Variants in ZNF212 observed in about 807,000 individuals in gnomAD.
ZNF212 encodes zinc finger protein 212.
A neutral mutation model predicts 47.3 loss-of-function variants in ZNF212; 32 were observed. The observed-to-expected ratio is 0.68, with a 90% CI of 0.51 to 0.91. The LOEUF (loss-of-function observed/expected upper bound fraction) is 0.91. ZNF212 is among the 40% of genes least tolerant of loss of function. The pLI, the probability that ZNF212 is intolerant of heterozygous loss-of-function variation, is 0.00. For missense variants in ZNF212, 555 were observed against 622.8 expected (o/e 0.89, Z 1.16); for synonymous variants, 242 against 253.8 (o/e 0.95, Z 0.44).
intron 1 of ZNF212, among the ~76,000 whole-genome samples, chr7:149,249,546 A>G (rs1796722549): frequency 1.3e-5 from 2 of 152,214 alleles, no homozygotes; most frequent in Admixed American, 6.5e-5. Context: ...CATACACGCT[A>G]TAATTTCACT....
In ZNF212 at chr7:149,253,681, T is replaced by G. The variant is rs1295001439; in HGVS notation, c.754T>G (p.Trp252Gly). The G allele has an allele frequency of 3.7e-6, 6 of 1,614,054 alleles. No individual in the cohort carries two copies. Among genetic ancestry groups the G allele is most frequent in the Non-Finnish European group, 5.1e-6 (6 of 1,180,038 alleles). ...AFLSPEQTEL[W>G]GGQGSSVLLE... is the part of the protein sequence containing the mutation. Reference sequence around the variant, plus strand: ...CCTGAGCCCAGAGCAGACCGAACTCTGGGGTGGTCAGGGCAGTTCTGTCCT... The same window carrying G: ...CCTGAGCCCAGAGCAGACCGAACTCGGGGGTGGTCAGGGCAGTTCTGTCCT... The change falls in exon 5 of 5, where the codon TGG (tryptophan) becomes GGG (glycine). Residue 252 changes from tryptophan to glycine, a missense_variant. By Grantham distance (184) the Trp-to-Gly change is radical. Coordinates refer to ENST00000335870, the MANE Select transcript of ZNF212 (RefSeq NM_012256.4).
At chr7:149,240,257 G>A (rs1796568129) in intron 1 of ZNF212, among the ~76,000 whole-genome samples, 1 of 152,240 alleles carries the variant, frequency 6.6e-6, no homozygotes, top group Admixed American at 6.5e-5. Context: ...CAGTGCTGCA[G>A]ATTTCTGTCT....
intron 1 of ZNF212, among the ~76,000 whole-genome samples, chr7:149,245,650 C>T (rs778739649): frequency 7.2e-5 from 11 of 152,054 alleles, no homozygotes; most frequent in Non-Finnish European, 1.6e-4. Context: ...GAACTATAGG[C>T]ACCTGTCATC....
intron 1 of ZNF212, among the ~76,000 whole-genome samples, chr7:149,246,968 A>G (rs1796688033): frequency 6.6e-6 from 1 of 150,722 alleles, no homozygotes; most frequent in Admixed American, 6.6e-5. Context: ...ATGCGCCACC[A>G]TGCCCGGCTC....
chr7:149,252,597 G>A, intron 3 of ZNF212, 109 bp from the exon 4 acceptor site: 1 of 953,420 alleles, frequency 1.0e-6, no homozygotes. Flanking sequence ...AGTAGCCTTT[G>A]AATCTATATT....
In ZNF212 at chr7:149,254,294, G is replaced by A; in HGVS notation, c.1367G>A (p.Ser456Asn). The A allele has an allele frequency of 6.2e-7, 1 of 1,614,142 alleles. No homozygotes were observed. Among genetic ancestry groups the A allele is most frequent in the Non-Finnish European group, 8.5e-7 (1 of 1,180,044 alleles). ...QRIHTGERPY[S>N]CTECEKSFVQ... Reference sequence around the variant, plus strand: ...ATCCACACGGGTGAGCGGCCCTACAGCTGCACTGAGTGTGAGAAGAGCTTT... The same window carrying A: ...ATCCACACGGGTGAGCGGCCCTACAACTGCACTGAGTGTGAGAAGAGCTTT... The change falls in exon 5 of 5, where the codon AGC becomes AAC. Residue 456 changes from serine to asparagine, a missense_variant. By Grantham distance (46) the Ser-to-Asn change is conservative. Transcript: ENST00000335870. This position sits in a 1 kb window ranked among gnomAD's most constrained non-coding sequence, Gnocchi z 4.5.
chr7:149,243,433 CAAAAAAAAAAAA>C lies in ZNF212; in HGVS notation c.24+3646_24+3657del, dbSNP rs869068988. ...TGGGTGACAGAGTGAGACTCCGTCT[CAAAAAAAAAAAA>C]AAAAAAAAAAAAAAGAGAGAGAGAG... On this transcript the variant is annotated intron_variant, in intron 1 of 4. Transcript: ENST00000335870. Among the ~76,000 whole-genome samples the C allele has an allele frequency of 4.8e-4, 27 of 56,020 alleles. 2 individuals carry two copies. The Admixed American group carries it at 5.5e-3, about 11-fold the overall frequency. 36.8% of individuals were successfully genotyped at this position (56,020 alleles called of 152,430 possible). A position where few individuals can be genotyped will look rare whatever the true frequency, so the allele number is the denominator to read the frequency against.
In ZNF212 at chr7:149,250,699, A is replaced by G; in HGVS notation, c.433A>G (p.Asn145Asp). ...ATTCCAGGTGTCCAGGTCACTGGAG[A>G]ATGATGGCGTCTGTTTCACCGAGCA... The part of the protein sequence containing the change: ...EAPKVSRSLE[N>D]DGVCFTEQEW... Residue 145 changes from asparagine (N) to aspartate (D), a missense_variant, in exon 3 of 5, where the codon AAT (asparagine) becomes GAT (aspartate). By Grantham distance (23) the Asn-to-Asp change is conservative. Coordinates refer to ENST00000335870, the MANE Select transcript of ZNF212 (RefSeq NM_012256.4). 6.2e-7 allele frequency: 1 copy of G among 1,614,202 alleles called. No homozygotes were observed. The highest frequency in any genetic ancestry group is 8.5e-7 in the Non-Finnish European group (1 of 1,180,046).
intron 1 of ZNF212, among the ~76,000 whole-genome samples, chr7:149,241,594 T>A (rs1407808951): frequency 6.6e-6 from 1 of 152,190 alleles, no homozygotes; most frequent in Non-Finnish European, 1.5e-5. Context: ...GGTGCCCTGA[T>A]GAAACAACTG....
chr7:149,243,621 A>G (rs937657127), intron 1 of ZNF212, among the ~76,000 whole-genome samples: 5 of 152,160 alleles, frequency 3.3e-5, no homozygotes, highest in Admixed American at 6.5e-5. Flanking sequence ...GTAATGGTAA[A>G]AGACTCAATT....
At position 149,255,460 on chromosome 7, in the gene ZNF212, A is replaced by T. The variant is rs910088910; in HGVS notation, c.*1045A>T. 6.5e-6 allele frequency: 1 copy of T among 153,786 alleles called. No homozygotes were observed. The highest frequency in any genetic ancestry group is 2.4e-5 in the African/African-American group (1 of 41,442). 9.5% of individuals were successfully genotyped at this position (153,786 alleles called of 1,614,324 possible). ...CAGAGAGGGTACAGAAAAAGCACACAGATGGCTTGTCTCAGGAGTGTTGAA... is the reference window on the plus strand; with the variant it reads ...CAGAGAGGGTACAGAAAAAGCACACTGATGGCTTGTCTCAGGAGTGTTGAA... On this transcript the variant is annotated 3_prime_UTR_variant, in exon 5 of 5. Coordinates refer to ENST00000335870, the MANE Select transcript of ZNF212 (RefSeq NM_012256.4).
intron 1 of ZNF212, chr7:149,240,111 C>G: frequency 2.9e-6 from 1 of 345,272 alleles, no homozygotes. Context: ...CAAAAGAGCC[C>G]GTTCCCAGGT....
chr7:149,250,569 A>G (rs772751077), intron 2 of ZNF212, 21 bp downstream of exon 2: 2 of 1,604,460 alleles, frequency 1.2e-6, no homozygotes, highest in Non-Finnish European at 1.7e-6. Flanking sequence ...TGAGGATTAA[A>G]AGTTAGAAGA....
intron 1 of ZNF212, among the ~76,000 whole-genome samples, chr7:149,240,285 G>A (rs1458616935): frequency 6.6e-6 from 1 of 152,210 alleles, no homozygotes; most frequent in Admixed American, 6.5e-5. Context: ...GCAGCCACAG[G>A]TTGAAGTCAG....
chr7:149,240,182 GGAGACCCCAGGACTTGCCTCTCT>G (rs1444762441), intron 1 of ZNF212: 4 of 216,454 alleles, frequency 1.8e-5, no homozygotes, highest in African/African-American at 6.8e-5. Context: ...CCGCTGCCCG[GGAGACCCCAGGACTTGCCTCTCT>G]GCGACCACCT....
rs1449618539 is a variant in ZNF212, at chr7:149,250,686, C to T, written c.420C>T (p.Ser140=). The part of the protein sequence containing the change: ...PGSKGEAPKV[S]RSLENDGVCF... ...TGTGCCATTGGTGATTCCAGGTGTC[C>T]AGGTCACTGGAGAATGATGGCGTCT... Residue 140 remains serine, a synonymous_variant, in exon 3 of 5, where the codon TCC becomes TCT. Coordinates refer to ENST00000335870, the MANE Select transcript of ZNF212 (RefSeq NM_012256.4). 4 of 1,614,020 alleles carry T rather than the reference C, an allele frequency of 2.5e-6. No homozygotes were observed. The highest frequency in any genetic ancestry group is 2.5e-6 in the Non-Finnish European group (3 of 1,180,030).
At chr7:149,244,515 A>T (rs111608224) in intron 1 of ZNF212, among the ~76,000 whole-genome samples, 2,809 of 151,720 alleles carry the variant, frequency 0.019, 97 homozygotes, top group African/African-American at 0.065. Flanking sequence ...GGGTTTCACC[A>T]TGTTAGCCAG....
intron 1 of ZNF212, among the ~76,000 whole-genome samples, chr7:149,247,579 A>G (rs2129524289): frequency 6.6e-6 from 1 of 152,344 alleles, no homozygotes; most frequent in East Asian, 1.9e-4. Context: ...TACGGTATAT[A>G]ATGAAGTGTC....
At chr7:149,251,774 G>A (rs560702386) in intron 3 of ZNF212, among the ~76,000 whole-genome samples, 3 of 152,034 alleles carry the variant, frequency 2.0e-5, no homozygotes, top group Non-Finnish European at 4.4e-5. Context: ...ACAGGCGTGA[G>A]CCTCCGCACC....
Sources: gnomAD v4.1 joint callset for allele counts (sites outside exome capture counted in the v4.1 genomes callset) on GRCh38, gnomAD v4.1.1 for gene constraint, Gnocchi (gnomAD v3.1) non-coding constraint, MANE v1.5 for transcripts, NCBI Gene and HGNC (gene_info 2026-07-23, HGNC 2026-07-21) for gene names.